The following RCN1 variants were observed in gnomAD, a reference collection of about 807,000 sequenced individuals.
RCN1 encodes the protein reticulocalbin-1.
RCN1 carries 14 observed loss-of-function variants against 34.7 expected under a neutral mutation model. The observed-to-expected ratio is 0.40, with a 90% CI of 0.27 to 0.63. The LOEUF (loss-of-function observed/expected upper bound fraction) is 0.63, where lower values mean the gene tolerates loss of function less well. RCN1 is among the 30% of genes least tolerant of loss of function. The pLI is 0.37. For synonymous variants in RCN1, 125 were observed against 165.5 expected, an observed-to-expected ratio of 0.76 and a Z score of 1.88; for missense variants, 326 against 425.1, an observed-to-expected ratio of 0.77 and a Z score of 2.05.
chr11:32,093,145 T>C (rs748974512), intron 1 of RCN1, among the ~76,000 whole-genome samples: 43 of 152,160 alleles, frequency 2.8e-4, no homozygotes, highest in Non-Finnish European at 4.3e-4. Context: ...TGGAAAACTT[T>C]ATAAGGTGTG....
intron 4 of RCN1, chr11:32,102,026 G>A (rs1352899204): frequency 1.3e-5 from 2 of 152,120 alleles, no homozygotes; most frequent in Non-Finnish European, 2.9e-5. Flanking sequence ...GGGAGGTGGA[G>A]GCGTTGCGCT....
chr11:32,103,738 A>C (rs1852075232), intron 5 of RCN1, among the ~76,000 whole-genome samples: 1 of 152,158 alleles, frequency 6.6e-6, no homozygotes, highest in Non-Finnish European at 1.5e-5. Context: ...AGATTGCAGA[A>C]CTTTGTGGGC....
chr11:32,094,796 C>T (rs1050500593), intron 1 of RCN1, among the ~76,000 whole-genome samples: 9 of 152,164 alleles, frequency 5.9e-5, no homozygotes, highest in African/African-American at 2.2e-4. Flanking sequence ...CCCAAGATCA[C>T]GCAGATAATG....
chr11:32,103,755 C>T (rs1018556458), intron 5 of RCN1, among the ~76,000 whole-genome samples: 2 of 152,132 alleles, frequency 1.3e-5, no homozygotes, highest in Non-Finnish European at 2.9e-5. Flanking sequence ...GGGCAGGACA[C>T]GATTTAAGAA....
chr11:32,092,140 C>G (rs1851930038), intron 1 of RCN1, among the ~76,000 whole-genome samples: 1 of 151,932 alleles, frequency 6.6e-6, no homozygotes, highest in Non-Finnish European at 1.5e-5. Context: ...AATCCCGTCT[C>G]TACTAAAAAT....
chr11:32,096,932 G>A (rs543401849), intron 1 of RCN1: 22 of 500,910 alleles, frequency 4.4e-5, no homozygotes, highest in African/African-American at 4.3e-4. Flanking sequence ...TCTGCCATCA[G>A]CACTGGTTGG....
Position 32,091,339 on chromosome 11 carries a change from G to A in RCN1, c.143G>A (p.Arg48Gln), listed in dbSNP as rs1851918835. The change falls in exon 1 of 6, where the codon CGG becomes CAG. Residue 48 changes from arginine (R) to glutamine (Q), a missense_variant. Arg to Gln is a conservative substitution (Grantham distance 43). Coordinates refer to ENST00000054950, the MANE Select transcript of RCN1 (RefSeq NM_002901.4). ...VVRPDSELGE[R>Q]PPEDNQSFQY... is the part of the protein sequence containing the mutation. The stretch of plus-strand genomic sequence containing the variant: ...CGGCCCGACTCGGAGCTGGGCGAGC[G>A]GCCCCCTGAGGACAACCAGAGCTTC... The A allele has an allele frequency of 1.4e-5, 22 of 1,548,392 alleles. No individual in the cohort carries two copies. Among genetic ancestry groups the A allele is most frequent in the Non-Finnish European group, 1.9e-5 (22 of 1,146,272 alleles).
rs968709803 is a variant in RCN1, at chr11:32,095,625, G to T, written c.255-1519G>T. Among the ~76,000 whole-genome samples, 9 of 152,076 alleles carry T rather than the reference G, an allele frequency of 5.9e-5. No individual in the cohort carries two copies. In the South Asian group the frequency reaches 1.9e-3, roughly 32 times the overall value. ...GGGTTTCACCGTGTTAGCCAGGATG[G>T]TCTGGATCTCCTGACCTCATGATCC... On this transcript the variant is annotated intron_variant, in intron 1 of 5. Transcript: ENST00000054950.
intron 5 of RCN1, 93 bp downstream of exon 5, chr11:32,103,573 G>T (rs142493579): frequency 0.016 from 17,232 of 1,094,026 alleles, 233 homozygotes; most frequent in Non-Finnish European, 0.021. Flanking sequence ...ATTGACCCAT[G>T]TGGCCATGTC....
chr11:32,097,184 G>C lies in RCN1; in HGVS notation c.295G>C (p.Val99Leu). 2 of 1,566,978 alleles carry C rather than the reference G, an allele frequency of 1.3e-6. No homozygotes were observed. The highest frequency in any genetic ancestry group is 1.7e-6 in the Non-Finnish European group (2 of 1,164,462). ...AATCGACAATGATGGGGATGGCTTTGTCACTACTGAGGAGCTGAAAACCTG... is the reference window on the plus strand; with the variant it reads ...AATCGACAATGATGGGGATGGCTTTCTCACTACTGAGGAGCTGAAAACCTG... Reference protein sequence around the residue: ...DRIDNDGDGFVTTEELKTWIK... With the variant: ...DRIDNDGDGFLTTEELKTWIK... Residue 99 changes from valine to leucine, a missense_variant, in exon 2 of 6, where the codon GTC becomes CTC. Physicochemically the swap from Val to Leu is conservative, Grantham distance 32. Transcript: ENST00000054950.
chr11:32,098,507 T>C lies in RCN1; in HGVS notation c.606T>C (p.His202=). The stretch of plus-strand genomic sequence containing the variant: ...TTCTGCATCCTGAAGAGTTTGAACA[T>C]ATGAAGGAAATTGTGGTTTTGGTAA... ...TAFLHPEEFE[H]MKEIVVLETL... is the part of the protein sequence containing the mutation. The change falls in exon 3 of 6, where the codon CAT becomes CAC. Residue 202 remains histidine (H), a synonymous_variant. Coordinates refer to ENST00000054950, the MANE Select transcript of RCN1 (RefSeq NM_002901.4). 5.0e-6 allele frequency: 8 copies of C among 1,610,350 alleles called. No individual in the cohort carries two copies. The highest frequency in any genetic ancestry group is 6.8e-6 in the Non-Finnish European group (8 of 1,178,930).
intron 5 of RCN1, among the ~76,000 whole-genome samples, 173 bp downstream of exon 5, chr11:32,103,653 A>G (rs886981854): frequency 6.6e-6 from 1 of 152,210 alleles, no homozygotes; most frequent in African/African-American, 2.4e-5. Flanking sequence ...GATAACCCAC[A>G]GTAAAATTAT....
intron 1 of RCN1, among the ~76,000 whole-genome samples, chr11:32,095,469 G>A (rs968824573): frequency 3.3e-5 from 5 of 151,942 alleles, no homozygotes; most frequent in South Asian, 2.1e-4. Flanking sequence ...GTGCAGTGGC[G>A]TGATCTCGGC....
intron 1 of RCN1, chr11:32,091,834 A>C: frequency 8.5e-6 from 2 of 235,840 alleles, no homozygotes; most frequent in South Asian, 1.5e-4. Flanking sequence ...ACTCTCTCGC[A>C]GTTTCTCTCT....
intron 2 of RCN1, 102 bp from the exon 3 acceptor site, chr11:32,098,248 C>T: frequency 9.6e-7 from 1 of 1,038,442 alleles, no homozygotes; most frequent in Non-Finnish European, 1.4e-6. Flanking sequence ...GACCTTTTTT[C>T]CCTATATGTA....
In RCN1 at chr11:32,103,377, G is replaced by A; in HGVS notation, c.785G>A (p.Gly262Glu). ...GAATTCCGGGATCTGAACAAGGACG[G>A]GAAGTTAGACAAAGATGAGATTCGC... ...FNEFRDLNKDGKLDKDEIRHW... is the reference protein window; with the variant it reads ...FNEFRDLNKDEKLDKDEIRHW... The change falls in exon 5 of 6, where the codon GGG (glycine) becomes GAG (glutamate). Residue 262 changes from glycine (G) to glutamate (E), a missense_variant. Gly to Glu is a moderately conservative substitution (Grantham distance 98). Transcript: ENST00000054950. The A allele has an allele frequency of 3.7e-6, 6 of 1,613,542 alleles. No individual in the cohort carries two copies. Among genetic ancestry groups the A allele is most frequent in the Non-Finnish European group, 3.4e-6 (4 of 1,179,458 alleles).
intron 1 of RCN1, among the ~76,000 whole-genome samples, chr11:32,092,781 G>C (rs930416467): frequency 1.3e-5 from 2 of 152,142 alleles, no homozygotes; most frequent in African/African-American, 4.8e-5. Flanking sequence ...ATTCCTGGGG[G>C]TGGAGGATCT....
intron 1 of RCN1, among the ~76,000 whole-genome samples, chr11:32,093,352 T>G (rs1484566698): frequency 6.6e-6 from 1 of 152,212 alleles, no homozygotes; most frequent in Non-Finnish European, 1.5e-5. Context: ...AGATGAAACC[T>G]TATGCTCTGG....
At chr11:32,102,836 G>A (rs1793948230) in intron 4 of RCN1, 2 of 339,812 alleles carry the variant, frequency 5.9e-6, no homozygotes, top group Middle Eastern at 8.4e-4. Context: ...TGAAAACTGT[G>A]TGTAGAACAC....
Sources: allele counts gnomAD v4.1 joint callset (sites outside exome capture counted in the v4.1 genomes callset), GRCh38; gene constraint gnomAD v4.1.1; transcripts MANE v1.5; gene names NCBI Gene and HGNC (gene_info 2026-07-23, HGNC 2026-07-21).